The following AIM2 variants were observed in gnomAD, a reference collection of about 807,000 sequenced individuals.
AIM2 encodes absent in melanoma 2.
AIM2 carries 30 observed loss-of-function variants against 27.7 expected under a neutral mutation model. The observed-to-expected ratio is 1.08, with a 90% CI of 0.81 to 1.47. The LOEUF is 1.47. Ranked by LOEUF, AIM2 falls within the 40% of genes most tolerant of loss-of-function variation. The pLI, the probability that AIM2 is intolerant of heterozygous loss-of-function variation, is 0.00. For synonymous variants in AIM2, 141 were observed against 145.3 expected (o/e 0.97, Z 0.21); for missense variants, 358 against 411.3 (o/e 0.87, Z 1.12).
At chr1:159,124,964 C>G (rs549749346) in intron 1 of AIM2, among the ~76,000 whole-genome samples, 1 of 152,320 alleles carries the variant, frequency 6.6e-6, no homozygotes, top group Admixed American at 6.5e-5. Context: ...TCGAGTGATG[C>G]CTCCTCTCTG....
intron 1 of AIM2, among the ~76,000 whole-genome samples, chr1:159,120,427 G>GCTTGT (rs1647502054): frequency 6.6e-6 from 1 of 152,186 alleles, no homozygotes; most frequent in East Asian, 1.9e-4. Flanking sequence ...TCCTAGGACA[G>GCTTGT]CTTGTTCTCT....
chr1:159,062,654 C>G lies in AIM2; in HGVS notation c.*38G>C. ...TCACATATTCTTCAATTAAATGCTG[C>G]TTAGACCAGTTGGCTTGAATTGGTC... is the stretch of plus-strand genomic sequence containing the variant. On this transcript the variant is annotated 3_prime_UTR_variant, in exon 6 of 6. Transcript: ENST00000368130. The G allele has an allele frequency of 6.2e-7, 1 of 1,603,620 alleles. No individual in the cohort carries two copies. Among genetic ancestry groups the G allele is most frequent in the Non-Finnish European group, 8.5e-7 (1 of 1,171,298 alleles).
chr1:159,139,893 T>A (rs1354745940), intron 1 of AIM2, among the ~76,000 whole-genome samples: 1 of 152,198 alleles, frequency 6.6e-6, no homozygotes, highest in Non-Finnish European at 1.5e-5. Flanking sequence ...TTAACAGTGA[T>A]ATAGAAATAA....
intron 1 of AIM2, among the ~76,000 whole-genome samples, chr1:159,124,822 G>A (rs973058966): frequency 2.6e-5 from 4 of 152,214 alleles, no homozygotes; most frequent in East Asian, 1.9e-4. Context: ...TGGTGATGAC[G>A]TTGGAGGCAG....
intron 1 of AIM2, among the ~76,000 whole-genome samples, chr1:159,090,463 G>C (rs754541012): frequency 6.6e-6 from 1 of 152,206 alleles, no homozygotes; most frequent in Non-Finnish European, 1.5e-5. Context: ...TAGAAAGCGT[G>C]TGACTGCTTC....
intron 1 of AIM2, among the ~76,000 whole-genome samples, chr1:159,133,158 A>G (rs1368093855): frequency 1.3e-5 from 2 of 151,974 alleles, no homozygotes; most frequent in Non-Finnish European, 2.9e-5. Context: ...GCTTCTATTT[A>G]TGTACTTGCT....
At chr1:159,092,443 G>A (rs1657069920) in intron 1 of AIM2, among the ~76,000 whole-genome samples, 1 of 152,134 alleles carries the variant, frequency 6.6e-6, no homozygotes, top group Non-Finnish European at 1.5e-5. Context: ...CCCCTCTTCT[G>A]GACCCAGGCC....
chr1:159,073,349 A>C lies in AIM2; in HGVS notation c.151T>G (p.Leu51Val), dbSNP rs761674723. Residue 51 changes from leucine to valine, a missense_variant, in exon 2 of 6, where the codon TTG becomes GTG. Transcript: ENST00000368130. ...ACCGCCCCAGCATTTTGAATCATCA[A>C]GGTAGCTACTTGTATTCTGTTTGCA... The part of the protein sequence containing the change: ...HTANRIQVAT[L>V]MIQNAGAVSA... The C allele has an allele frequency of 2.5e-6, 4 of 1,614,220 alleles. No homozygotes were observed. The East Asian group carries it at 8.9e-5, about 36-fold the overall frequency.
intron 1 of AIM2, among the ~76,000 whole-genome samples, chr1:159,098,275 G>A (rs1011217708): frequency 3.3e-4 from 50 of 152,238 alleles, no homozygotes; most frequent in African/African-American, 1.2e-3. Context: ...GCCAGGCACT[G>A]TGCTGGCCCT....
At chr1:159,112,603 A>G (rs1657599884) in intron 1 of AIM2, among the ~76,000 whole-genome samples, 1 of 152,218 alleles carries the variant, frequency 6.6e-6, no homozygotes, top group African/African-American at 2.4e-5. Flanking sequence ...AATATTTATT[A>G]TATACTCAAC....
intron 1 of AIM2, among the ~76,000 whole-genome samples, chr1:159,095,702 A>C (rs1657165448): frequency 6.6e-6 from 1 of 152,198 alleles, no homozygotes; most frequent in Non-Finnish European, 1.5e-5. Context: ...AAATATTATA[A>C]AGGATGCTTG....
chr1:159,116,229 T>C (rs1298107061), intron 1 of AIM2, among the ~76,000 whole-genome samples: 2 of 152,234 alleles, frequency 1.3e-5, no homozygotes, highest in African/African-American at 4.8e-5. Context: ...TTTTACACTG[T>C]TGGTGGGACT....
In AIM2 at chr1:159,113,835, T is replaced by A. The variant is rs867835906; in HGVS notation, c.-16+26596A>T. Among the ~76,000 whole-genome samples the A allele has an allele frequency of 2.0e-5, 3 of 152,144 alleles. 1 individual carries two copies. In the South Asian group the frequency reaches 6.2e-4, roughly 31 times the overall value. ...TTCTTTATTGAATAGTGGTGAGGCA[T>A]GATAAGAAGTTTTGAAAGTTAGCCA... On this transcript the variant is annotated intron_variant, in intron 1 of 2. Transcript: ENST00000368129.
At chr1:159,127,707 G>A (rs1288097985) in intron 1 of AIM2, among the ~76,000 whole-genome samples, 1 of 152,110 alleles carries the variant, frequency 6.6e-6, no homozygotes, top group African/African-American at 2.4e-5. Flanking sequence ...ACCACATGAG[G>A]ACATAGCCAT....
At chr1:159,131,856 A>T (rs138886470) in intron 1 of AIM2, among the ~76,000 whole-genome samples, 349 of 152,340 alleles carry the variant, frequency 2.3e-3, no homozygotes, top group African/African-American at 7.9e-3. Context: ...CTCTTCTTGA[A>T]TATATAGATC....
intron 2 of AIM2, among the ~76,000 whole-genome samples, chr1:159,071,283 G>T (rs1656351403): frequency 6.6e-6 from 1 of 152,158 alleles, no homozygotes. Context: ...CACTCTACAT[G>T]CAGACATGCA....
chr1:159,112,724 C>A (rs1657602807), intron 1 of AIM2, among the ~76,000 whole-genome samples: 2 of 152,008 alleles, frequency 1.3e-5, no homozygotes, highest in Non-Finnish European at 1.5e-5. Context: ...GGGGTCCAAT[C>A]TTAAATGAAA....
chr1:159,141,026 A>C (rs187423297), upstream of AIM2, among the ~76,000 whole-genome samples: 13 of 152,278 alleles, frequency 8.5e-5, no homozygotes, highest in Non-Finnish European at 1.3e-4. Context: ...TGAGACAAAG[A>C]GCAATGATTA....
intron 1 of AIM2, among the ~76,000 whole-genome samples, chr1:159,120,809 G>T (rs1343029109): frequency 1.3e-5 from 2 of 152,140 alleles, no homozygotes; most frequent in African/African-American, 4.8e-5. Flanking sequence ...GGAGTCAGAA[G>T]GCATGATCAA....
Sources: allele counts gnomAD v4.1 joint callset (sites outside exome capture counted in the v4.1 genomes callset), GRCh38; gene constraint gnomAD v4.1.1; transcripts MANE v1.5; gene names NCBI Gene and HGNC (gene_info 2026-07-23, HGNC 2026-07-21).